The following HSPA4L variants were observed in gnomAD, a reference collection of about 807,000 sequenced individuals.
HSPA4L encodes the protein heat shock 70 kDa protein 4L.
Under a neutral mutation model 100.3 loss-of-function variants are expected in HSPA4L, and 48 were observed. The ratio of observed to expected loss-of-function variants is 0.48; its 90% CI spans 0.38 to 0.61. The LOEUF is 0.61. Ranked by LOEUF, HSPA4L falls within the 20% of genes least tolerant of loss-of-function variation. The pLI, the probability that HSPA4L is intolerant of heterozygous loss-of-function variation, is 0.00. For synonymous variants in HSPA4L, 319 were observed against 328.2 expected (o/e 0.97, Z 0.30); for missense variants, 886 against 988.6 (o/e 0.90, Z 1.39).
chr4:127,823,396 A>C (rs543226006), intron 15 of HSPA4L, 121 bp from the exon 16 acceptor site: 4 of 645,178 alleles, frequency 6.2e-6, no homozygotes, highest in Non-Finnish European at 1.1e-5. Context: ...CGATCCTCCC[A>C]CCTTGGCCTT....
Position 127,834,574 on chromosome 4 carries a change from C to A in HSPA4L, c.*1700C>A, listed in dbSNP as rs1734162474. ...CTAGTCTTTAAACTTTCTCTTAATT[C>A]TCTTAAAATGAAATAGGTATATCCA... On this transcript the variant is annotated 3_prime_UTR_variant, in exon 19 of 19. Coordinates refer to ENST00000296464, the MANE Select transcript of HSPA4L (RefSeq NM_014278.4). 6.6e-6 allele frequency: 1 copy of A among 152,124 alleles called. No homozygotes were observed. The allele number at this position is 152,124 out of a possible 1,614,324, so 9.4% of individuals were successfully genotyped here.
Position 127,818,325 on chromosome 4 carries a change from G to T in HSPA4L, c.1579G>T (p.Asp527Tyr). ...TATCAATTATGTATTTTCTTTCTAGGATAAAATGCAGGTTGATCAAGAAGA... is the reference window on the plus strand; with the variant it reads ...TATCAATTATGTATTTTCTTTCTAGTATAAAATGCAGGTTGATCAAGAAGA... ...SFKNENKDNM[D>Y]KMQVDQEEGH... The change falls in exon 13 of 19, where the codon GAT becomes TAT. Residue 527 changes from aspartate to tyrosine, a missense_variant and splice_region_variant. Asp to Tyr is a radical substitution (Grantham distance 160, BLOSUM62 -3). Transcript: ENST00000296464. The T allele has an allele frequency of 6.3e-7, 1 of 1,598,592 alleles. No individual in the cohort carries two copies. The highest frequency in any genetic ancestry group is 8.6e-7 in the Non-Finnish European group (1 of 1,168,340).
intron 16 of HSPA4L, 109 bp downstream of exon 16, chr4:127,823,733 G>A (rs2148797751): frequency 1.6e-6 from 1 of 640,482 alleles, no homozygotes; most frequent in Non-Finnish European, 2.7e-6. Context: ...TAATTGAGAG[G>A]AAAATTGTAT....
At chr4:127,791,739 A>T (rs1475264302) in intron 1 of HSPA4L, among the ~76,000 whole-genome samples, 1 of 152,112 alleles carries the variant, frequency 6.6e-6, no homozygotes, top group Non-Finnish European at 1.5e-5. Context: ...CTTTTATCCC[A>T]TCATCATTTA....
At position 127,838,532 on chromosome 4, in the gene HSPA4L, G is replaced by T. The variant is rs1201872056; in HGVS notation, c.*5658G>T. The T allele has an allele frequency of 6.6e-6, 1 of 152,148 alleles. No individual in the cohort carries two copies. Among genetic ancestry groups the T allele is most frequent in the African/African-American group, 2.4e-5 (1 of 41,440 alleles). 9.4% of individuals were successfully genotyped at this position (152,148 alleles called of 1,614,324 possible). On this transcript the variant is annotated 3_prime_UTR_variant, in exon 19 of 19. Transcript: ENST00000296464. The stretch of plus-strand genomic sequence containing the variant: ...AATTAATAGTATGCTCTTTGCTTTG[G>T]AATCTCTAATTTACGGTCATGCCCT...
At position 127,830,674 on chromosome 4, in the gene HSPA4L, G is replaced by A; in HGVS notation, c.2203G>A (p.Glu735Lys). 6.2e-7 allele frequency: 1 copy of A among 1,606,586 alleles called. No individual in the cohort carries two copies. The highest frequency in any genetic ancestry group is 1.1e-5 in the South Asian group (1 of 89,564). ...TGATCATCTGGATCCTACTGAAATG[G>A]AAAAGGTTGAAAAATGTATCAGTGA... ...RYDHLDPTEM[E>K]KVEKCISDAM... is the part of the protein sequence containing the mutation. The change falls in exon 18 of 19, where the codon GAA (glutamate) becomes AAA (lysine). Residue 735 changes from glutamate to lysine, a missense_variant. Transcript: ENST00000296464.
At chr4:127,812,237 G>A (rs901370814) in intron 12 of HSPA4L, among the ~76,000 whole-genome samples, 9 of 151,646 alleles carry the variant, frequency 5.9e-5, no homozygotes, top group Admixed American at 2.0e-4. Context: ...ATGAAACCCC[G>A]TCTCCACTAA....
rs1178930383 is a variant in HSPA4L, at chr4:127,840,506, G to A, written c.*7632G>A. On this transcript the variant is annotated 3_prime_UTR_variant, in exon 19 of 19. Transcript: ENST00000296464. Reference sequence around the variant, plus strand: ...ACATGAGAATGGTTTATGATCTTAAGTTGGTAACATAGGAATATGTATTTG... The same window carrying A: ...ACATGAGAATGGTTTATGATCTTAAATTGGTAACATAGGAATATGTATTTG... The A allele has an allele frequency of 6.6e-6, 1 of 152,100 alleles. No individual in the cohort carries two copies. Among genetic ancestry groups the A allele is most frequent in the Admixed American group, 6.5e-5 (1 of 15,268 alleles). The allele number at this position is 152,100 out of a possible 1,614,324, so 9.4% of individuals were successfully genotyped here. A position where few individuals can be genotyped will look rare whatever the true frequency, so the allele number is the denominator to read the frequency against.
intron 11 of HSPA4L, chr4:127,809,179 A>G: frequency 3.0e-6 from 3 of 991,538 alleles, no homozygotes; most frequent in Non-Finnish European, 4.8e-6. Context: ...AATTGCATCA[A>G]ACTCTTCAGG....
chr4:127,836,965 G>C lies in HSPA4L; in HGVS notation c.*4091G>C, dbSNP rs1216811058. ...AAATTTTTTTTTTTGTTTTGAGACA[G>C]AGTATGGCTTTGTTACCCAGGCTGG... On this transcript the variant is annotated 3_prime_UTR_variant, in exon 19 of 19. Transcript: ENST00000296464. The C allele has an allele frequency of 6.6e-6, 1 of 151,816 alleles. No homozygotes were observed. Among genetic ancestry groups the C allele is most frequent in the East Asian group, 1.9e-4 (1 of 5,194 alleles). 9.4% of individuals were successfully genotyped at this position (151,816 alleles called of 1,614,324 possible). A position where few individuals can be genotyped will look rare whatever the true frequency, so the allele number is the denominator to read the frequency against.
chr4:127,827,959 C>G (rs1358394844), intron 17 of HSPA4L, among the ~76,000 whole-genome samples: 3 of 152,094 alleles, frequency 2.0e-5, no homozygotes, highest in Non-Finnish European at 4.4e-5. Flanking sequence ...ACAGATGATA[C>G]TTCCATTTAG....
At chr4:127,831,298 C>T (rs950993000) in intron 18 of HSPA4L, among the ~76,000 whole-genome samples, 13 of 151,800 alleles carry the variant, frequency 8.6e-5, no homozygotes, top group Admixed American at 5.2e-4. Context: ...CCCAGGAGTT[C>T]GAGACCAGCA....
chr4:127,790,847 A>G (rs1479284899), intron 1 of HSPA4L, among the ~76,000 whole-genome samples: 4 of 152,214 alleles, frequency 2.6e-5, no homozygotes, highest in African/African-American at 9.6e-5. Flanking sequence ...TAATAGAGCC[A>G]GGTACAGTGG....
At chr4:127,786,516 A>G (rs1416330432) in intron 1 of HSPA4L, among the ~76,000 whole-genome samples, 1 of 152,216 alleles carries the variant, frequency 6.6e-6, no homozygotes, top group Non-Finnish European at 1.5e-5. Context: ...CCCAGGCTGG[A>G]GTACAGTGGT....
intron 9 of HSPA4L, among the ~76,000 whole-genome samples, chr4:127,805,429 G>T (rs1270118716): frequency 6.6e-6 from 1 of 152,042 alleles, no homozygotes; most frequent in Non-Finnish European, 1.5e-5. Flanking sequence ...GACACTGAAA[G>T]AATATTAATT....
chr4:127,783,993 T>C (rs1292088400), intron 1 of HSPA4L, among the ~76,000 whole-genome samples: 3 of 152,250 alleles, frequency 2.0e-5, no homozygotes, highest in African/African-American at 7.2e-5. Flanking sequence ...TCCTCAATAA[T>C]GTTTGAACTC....
intron 11 of HSPA4L, 73 bp downstream of exon 11, chr4:127,808,202 C>A: frequency 1.6e-6 from 2 of 1,248,130 alleles, no homozygotes; most frequent in South Asian, 1.5e-5. Context: ...ATCAAGGAAA[C>A]AAATAGACAT....
chr4:127,828,874 T>C (rs537688377), intron 17 of HSPA4L, among the ~76,000 whole-genome samples: 16 of 152,274 alleles, frequency 1.1e-4, no homozygotes, highest in Middle Eastern at 3.4e-3. Flanking sequence ...ATTTAAGATA[T>C]TATCCCACAC....
At chr4:127,807,495 T>G (rs1002936552) in intron 10 of HSPA4L, among the ~76,000 whole-genome samples, 7 of 152,048 alleles carry the variant, frequency 4.6e-5, no homozygotes, top group Non-Finnish European at 1.0e-4. Context: ...ACAGAAAGTG[T>G]GTGCACTCAG....
Sources: gnomAD v4.1 joint callset for allele counts (sites outside exome capture counted in the v4.1 genomes callset) on GRCh38, gnomAD v4.1.1 for gene constraint, MANE v1.5 for transcripts, NCBI Gene and HGNC (gene_info 2026-07-23, HGNC 2026-07-21) for gene names.